ZIC4: variants seen among roughly 807,000 people sequenced by gnomAD.
ZIC4 encodes zinc finger protein ZIC 4.
Under a neutral mutation model 28.8 loss-of-function variants are expected in ZIC4, and 15 were observed. The observed-to-expected ratio is 0.52, with a 90% CI of 0.35 to 0.80. The LOEUF (loss-of-function observed/expected upper bound fraction) is 0.80, where lower values mean the gene tolerates loss of function less well. Ranked by LOEUF, ZIC4 falls within the 30% of genes least tolerant of loss-of-function variation. ZIC4 has a pLI of 0.01. For missense variants in ZIC4, 512 were observed against 467.1 expected (o/e 1.10, Z -0.89); for synonymous variants, 220 against 198.1 (o/e 1.11, Z -0.93).
chr3:147,392,176 C>T (rs2086939307), intron 3 of ZIC4: 2 of 985,592 alleles, frequency 2.0e-6, no homozygotes, highest in Non-Finnish European at 2.4e-6. Flanking sequence ...GTAGGGTCCG[C>T]ACAGGCCAAA....
rs142194629 is a variant in ZIC4 at position 147,388,589 on chromosome 3, A to G, written c.*270T>C. 1.1e-4 allele frequency: 46 copies of G among 414,726 alleles called. No individual in the cohort carries two copies. Among genetic ancestry groups the G allele is most frequent in the African/African-American group, 9.2e-4 (45 of 49,020 alleles). 25.7% of individuals were successfully genotyped at this position (414,726 alleles called of 1,614,324 possible). On this transcript the variant is annotated 3_prime_UTR_variant, in exon 5 of 5. Coordinates refer to ENST00000383075, the MANE Select transcript of ZIC4 (RefSeq NM_032153.6). ...AAATGAAAATGATTTAGTCCGCGTC[A>G]AACAAAAATATATACTTGTATACAC...
chr3:147,396,696 T>A lies in ZIC4; in HGVS notation c.71-227A>T, dbSNP rs2087053079. On this transcript the variant is annotated intron_variant, in intron 2 of 4. Coordinates refer to ENST00000383075, the MANE Select transcript of ZIC4 (RefSeq NM_032153.6). This position sits in a 1 kb window ranked among gnomAD's most constrained non-coding sequence, Gnocchi z 4.2. ...TTGGGCCAAGTCCCCCGCCGCGCCATGAGCTAGAGAGGGATGGTAGCGGCA... is the reference window on the plus strand; with the variant it reads ...TTGGGCCAAGTCCCCCGCCGCGCCAAGAGCTAGAGAGGGATGGTAGCGGCA... 1 of 501,842 alleles carries A rather than the reference T, an allele frequency of 2.0e-6. No individual in the cohort carries two copies. Among genetic ancestry groups the A allele is most frequent in the South Asian group, 4.5e-5 (1 of 22,144 alleles). 31.1% of individuals were successfully genotyped at this position (501,842 alleles called of 1,614,324 possible). A position where few individuals can be genotyped will look rare whatever the true frequency, so the allele number is the denominator to read the frequency against.
chr3:147,405,413 G>T, intron 1 of ZIC4: 9 of 1,537,168 alleles, frequency 5.9e-6, no homozygotes, highest in African/African-American at 1.4e-5. Flanking sequence ...GGTGACGGCC[G>T]AAGTGCAACC....
chr3:147,391,319 T>A, intron 3 of ZIC4, 73 bp from the exon 4 acceptor site: 1 of 1,453,350 alleles, frequency 6.9e-7, no homozygotes, highest in Non-Finnish European at 9.2e-7. Flanking sequence ...CCCTCCCCCA[T>A]TCGTCTCTCA....
At chr3:147,395,806 G>C in intron 3 of ZIC4, 46 bp downstream of exon 3, 1 of 1,569,076 alleles carries the variant, frequency 6.4e-7, no homozygotes, top group South Asian at 1.2e-5. Context: ...CCGAGGGCCT[G>C]CTTCCCCAGA....
At position 147,393,752 on chromosome 3, in the gene ZIC4, A is replaced by T. The variant is rs534458041; in HGVS notation, c.688+2100T>A. 2.4e-4 allele frequency: 90 copies of T among 367,546 alleles called. 2 individuals are homozygous for T. The highest frequency in any genetic ancestry group is 1.8e-3 in the South Asian group (89 of 49,994). 22.8% of individuals were successfully genotyped at this position (367,546 alleles called of 1,614,324 possible). A position where few individuals can be genotyped will look rare whatever the true frequency, so the allele number is the denominator to read the frequency against. On this transcript the variant is annotated intron_variant, in intron 3 of 4. Transcript: ENST00000383075. The stretch of plus-strand genomic sequence containing the variant: ...CTGACTCGCCCTCAGACGCCGGGGA[A>T]GGTGTGGTGAGCTCCCGGCCCCGGC...
chr3:147,402,629 AACAAAAG>A, intron 2 of ZIC4, 92 bp downstream of exon 2: 1 of 1,154,636 alleles, frequency 8.7e-7, no homozygotes, highest in Non-Finnish European at 1.2e-6. Flanking sequence ...ACCCAACATA[AACAAAAG>A]ACAAAACAAA....
rs953296097 is a variant in ZIC4 at position 147,391,042 on chromosome 3, T to C, written c.893A>G (p.Tyr298Cys). 2 of 1,613,946 alleles carry C rather than the reference T, an allele frequency of 1.2e-6. No homozygotes were observed. The highest frequency in any genetic ancestry group is 8.5e-7 in the Non-Finnish European group (1 of 1,179,992). The change falls in exon 4 of 5, where the codon TAC becomes TGC. Residue 298 changes from tyrosine to cysteine, a missense_variant. This residue lies in a region of ZIC4 where 144 missense variants were observed against 116.8 expected (regional missense o/e 1.23). Transcript: ENST00000383075. ...HGRSPPPSSG[Y>C]DSATPSALVS... The stretch of plus-strand genomic sequence containing the variant: ...GAGGGCAGACGGTGTAGCCGAATCG[T>C]AGCCAGAGCTGGGCGGCGGCGAGCG...
intron 1 of ZIC4, 131 bp from the exon 2 acceptor site, chr3:147,402,943 A>G (rs1473047091): frequency 1.9e-5 from 13 of 688,190 alleles, no homozygotes; most frequent in East Asian, 2.8e-5. Flanking sequence ...TTCTTTGACC[A>G]TTTTCAAATT....
In ZIC4 at chr3:147,387,197, C is replaced by T. The variant is rs2086812116; in HGVS notation, c.*1662G>A. 2.0e-5 allele frequency: 3 copies of T among 152,472 alleles called. No individual in the cohort carries two copies. The South Asian group carries it at 6.2e-4, about 32-fold the overall frequency. The allele number at this position is 152,472 out of a possible 1,614,324, so 9.4% of individuals were successfully genotyped here. A position where few individuals can be genotyped will look rare whatever the true frequency, so the allele number is the denominator to read the frequency against. Reference sequence around the variant, plus strand: ...CTTCTGCATACTTCACCAGACCAGGCCCTGACCCTGATGTCTAGGCATTGC... The same window carrying T: ...CTTCTGCATACTTCACCAGACCAGGTCCTGACCCTGATGTCTAGGCATTGC... On this transcript the variant is annotated 3_prime_UTR_variant, in exon 5 of 5. Transcript: ENST00000383075.
intron 1 of ZIC4, chr3:147,405,256 C>T: frequency 1.0e-6 from 1 of 968,114 alleles, no homozygotes; most frequent in Non-Finnish European, 1.5e-6. Flanking sequence ...TTTAGCCCTC[C>T]CTTTGAATCA....
intron 4 of ZIC4, 71 bp downstream of exon 4, chr3:147,390,860 C>T: frequency 2.0e-6 from 3 of 1,520,858 alleles, no homozygotes; most frequent in Non-Finnish European, 2.6e-6. Context: ...GCAGCAGGGC[C>T]AGGTGGTAGC....
intron 3 of ZIC4, among the ~76,000 whole-genome samples, chr3:147,394,393 C>G (rs546079930): frequency 1.9e-4 from 29 of 149,290 alleles, no homozygotes; most frequent in Non-Finnish European, 3.4e-4. Context: ...GTCGACTGTG[C>G]TAAGAATTTA....
intron 1 of ZIC4, chr3:147,403,954 G>A: frequency 1.3e-6 from 2 of 1,536,272 alleles, no homozygotes; most frequent in Non-Finnish European, 8.7e-7. Context: ...AGGCAGGGGG[G>A]TAGACTCACC....
chr3:147,399,010 T>C (rs1408919964), intron 2 of ZIC4, among the ~76,000 whole-genome samples: 2 of 151,938 alleles, frequency 1.3e-5, no homozygotes, highest in South Asian at 2.1e-4. Flanking sequence ...AATTTCTCTC[T>C]ACTTAGACAC....
intron 3 of ZIC4, chr3:147,392,224 C>G (rs546648035): frequency 1.0e-6 from 1 of 985,718 alleles, no homozygotes; most frequent in Admixed American, 6.1e-5. Flanking sequence ...CGCCCTTGAG[C>G]GCTGCGGCTT....
chr3:147,392,483 A>T (rs887979525), intron 3 of ZIC4: 1 of 976,828 alleles, frequency 1.0e-6, no homozygotes, highest in Admixed American at 6.2e-5. Context: ...GGAAGCCTAG[A>T]TTCCTGCCGG....
chr3:147,395,925 AG>A lies in ZIC4; in HGVS notation c.614del (p.Pro205LeufsTer81). ...IRVHTGEKPF[P>X]CPFPGCGKVF... is the part of the protein sequence containing the mutation. ...CCTTCCCACACCCCGGGAAAGGACA[AG>A]GGAAGGGCTTCTCGCCCGTGTGCAC... is the stretch of plus-strand genomic sequence containing the variant. On this transcript the variant is annotated frameshift_variant, in exon 3 of 5. Transcript: ENST00000383075. LOFTEE classifies it high-confidence loss of function. 6.2e-7 allele frequency: 1 copy of A among 1,614,244 alleles called. No individual in the cohort carries two copies. The highest frequency in any genetic ancestry group is 8.5e-7 in the Non-Finnish European group (1 of 1,180,052).
At chr3:147,392,139 T>C in intron 3 of ZIC4, 2 of 985,630 alleles carry the variant, frequency 2.0e-6, no homozygotes, top group Non-Finnish European at 2.4e-6. Context: ...GTCGGGCCTC[T>C]CGGTCCTAAG....
Sources: allele counts gnomAD v4.1 joint callset (sites outside exome capture counted in the v4.1 genomes callset), GRCh38; gene constraint gnomAD v4.1.1; regional missense constraint gnomAD v4.1.1; non-coding constraint Gnocchi (gnomAD v3.1); transcripts MANE v1.5; gene names NCBI Gene and HGNC (gene_info 2026-07-23, HGNC 2026-07-21).